The following ADH7 variants were observed in gnomAD, a reference collection of about 807,000 sequenced individuals.
ADH7 encodes the protein alcohol dehydrogenase 7 (class IV), mu or sigma polypeptide.
ADH7 carries 41 observed loss-of-function variants against 34.4 expected under a neutral mutation model. The observed-to-expected ratio is 1.19, with a 90% CI of 0.93 to 1.55. The LOEUF is 1.55. ADH7 is among the 40% of genes most tolerant of loss of function. The pLI is 0.00. For missense variants in ADH7, 540 were observed against 461.2 expected (o/e 1.17, Z -1.56); for synonymous variants, 180 against 160.9 (o/e 1.12, Z -0.90).
At chr4:99,428,674 C>G (rs115411577) in intron 2 of ADH7, 44 bp from the exon 3 acceptor site, 1 of 1,587,266 alleles carries the variant, frequency 6.3e-7, no homozygotes, top group African/African-American at 1.4e-5. Context: ...ACAAACTGAT[C>G]ATTTCACTGT....
chr4:99,432,958 C>T (rs1464193560), intron 1 of ADH7, among the ~76,000 whole-genome samples: 1 of 152,150 alleles, frequency 6.6e-6, no homozygotes. Context: ...GGACTACAGG[C>T]ACAAGCCACC....
chr4:99,420,745 G>A lies in ADH7; in HGVS notation c.613C>T (p.Leu205=), dbSNP rs1326048877. 2.5e-6 allele frequency: 4 copies of A among 1,613,884 alleles called. No individual in the cohort carries two copies. Among genetic ancestry groups the A allele is most frequent in the Non-Finnish European group, 8.5e-7 (1 of 1,179,904 alleles). The change falls in exon 6 of 9, where the codon CTG becomes TTG. Residue 205 remains leucine, a synonymous_variant. Coordinates refer to ENST00000437033, the MANE Select transcript of ADH7 (RefSeq NM_000673.7). ...GACTTACAGCCCATGATGACTGACA[G>A]GCCAACTCCTCCCAGGCCAAAGACG... ...CVVFGLGGVG[L]SVIMGCKSAG...
chr4:99,417,271 C>G (rs1389149794), intron 7 of ADH7, among the ~76,000 whole-genome samples: 2 of 152,026 alleles, frequency 1.3e-5, no homozygotes, highest in Non-Finnish European at 2.9e-5. Context: ...CCCAAAGGCC[C>G]CATATAATTT....
intron 1 of ADH7, among the ~76,000 whole-genome samples, chr4:99,434,113 A>G (rs1201463655): frequency 3.9e-5 from 6 of 152,188 alleles, no homozygotes; most frequent in African/African-American, 1.4e-4. Context: ...CCTTGAGGCT[A>G]CTTTCTCCAT....
intron 5 of ADH7, among the ~76,000 whole-genome samples, chr4:99,423,762 T>A (rs1334007977): frequency 5.3e-5 from 8 of 152,202 alleles, no homozygotes; most frequent in Non-Finnish European, 1.2e-4. Context: ...GAGTTCATTG[T>A]AGATTCTGGA....
chr4:99,430,014 G>A (rs530672347), intron 1 of ADH7, among the ~76,000 whole-genome samples: 2 of 152,234 alleles, frequency 1.3e-5, no homozygotes, highest in East Asian at 1.9e-4. Flanking sequence ...TTTGTGTATC[G>A]CTTATTCACA....
intron 5 of ADH7, among the ~76,000 whole-genome samples, chr4:99,427,012 G>C (rs13137887): frequency 0.11 from 16,559 of 152,042 alleles, 1,091 homozygotes; most frequent in South Asian, 0.14. Context: ...ATTCAACAAT[G>C]CTTCATGCTA....
At chr4:99,429,715 A>G in intron 1 of ADH7, 82 bp from the exon 2 acceptor site, 1 of 872,524 alleles carries the variant, frequency 1.1e-6, no homozygotes, top group Non-Finnish European at 1.7e-6. Flanking sequence ...ATATGAACAG[A>G]AGAGCATATA....
chr4:99,428,775 G>T, intron 2 of ADH7, 145 bp from the exon 3 acceptor site: 1 of 1,070,470 alleles, frequency 9.3e-7, no homozygotes. Flanking sequence ...ACTATTCTGA[G>T]CCAAAAATCA....
intron 1 of ADH7, among the ~76,000 whole-genome samples, chr4:99,432,413 G>A (rs1394953660): frequency 2.0e-5 from 3 of 152,000 alleles, no homozygotes; most frequent in Admixed American, 2.0e-4. Flanking sequence ...CAAACCCCAT[G>A]ATACACAATT....
rs17029035 is a variant in ADH7 at position 99,414,186 on chromosome 4, C to T, written c.1101-1014G>A. On this transcript the variant is annotated intron_variant, in intron 8 of 8. Coordinates refer to ENST00000437033, the MANE Select transcript of ADH7 (RefSeq NM_000673.7). ...TTTTGCTTATCTGAGTAAAGTAGTA[C>T]TGAGTGGTTCTGACAGTTTTTCTTA... 6.9e-3 allele frequency among the ~76,000 whole-genome samples: 1,056 copies of T among 152,150 alleles called. 15 individuals carry two copies. The highest frequency in any genetic ancestry group is 0.023 in the African/African-American group (960 of 41,508).
chr4:99,422,838 AT>A lies in ADH7; in HGVS notation c.565-2046del, dbSNP rs147760235. Among the ~76,000 whole-genome samples the A allele has an allele frequency of 3.9e-3, 560 of 145,228 alleles. 5 individuals carry two copies. Among genetic ancestry groups the A allele is most frequent in the African/African-American group, 0.012 (473 of 39,552 alleles). On this transcript the variant is annotated intron_variant, in intron 5 of 8. Transcript: ENST00000437033. ...TTTTCTAATAAAATAGACCTATTTT[AT>A]TTTTTTTTCTAATAAAATAGATCTA... is the stretch of plus-strand genomic sequence containing the variant.
At chr4:99,425,231 G>T (rs1018944551) in intron 5 of ADH7, among the ~76,000 whole-genome samples, 2 of 151,952 alleles carry the variant, frequency 1.3e-5, no homozygotes, top group Non-Finnish European at 2.9e-5. Flanking sequence ...AATGTAAATG[G>T]ACTAAATGCT....
chr4:99,419,934 T>C (rs1005559911), intron 6 of ADH7, among the ~76,000 whole-genome samples: 2 of 152,200 alleles, frequency 1.3e-5, no homozygotes, highest in African/African-American at 4.8e-5. Flanking sequence ...CTTTACGCTA[T>C]GCCAGGTTGG....
intron 7 of ADH7, among the ~76,000 whole-genome samples, chr4:99,418,737 T>A (rs1277710429): frequency 6.6e-6 from 1 of 152,202 alleles, no homozygotes; most frequent in Non-Finnish European, 1.5e-5. Flanking sequence ...ACACTACTGG[T>A]GTCTCTCATT....
At chr4:99,421,038 T>C (rs1721646681) in intron 5 of ADH7, among the ~76,000 whole-genome samples, 1 of 152,180 alleles carries the variant, frequency 6.6e-6, no homozygotes, top group African/African-American at 2.4e-5. Context: ...TGCTCATGCA[T>C]AGGAAGAATC....
chr4:99,427,280 CA>C (rs1369386000), intron 5 of ADH7, among the ~76,000 whole-genome samples: 3 of 152,090 alleles, frequency 2.0e-5, no homozygotes, highest in Non-Finnish European at 4.4e-5. Context: ...AGGTGGTAAT[CA>C]AAATGATTAA....
At chr4:99,425,524 T>A (rs913703558) in intron 5 of ADH7, among the ~76,000 whole-genome samples, 1 of 152,126 alleles carries the variant, frequency 6.6e-6, no homozygotes, top group Non-Finnish European at 1.5e-5. Flanking sequence ...CCTAAATATA[T>A]ATGCACCCAA....
intron 5 of ADH7, among the ~76,000 whole-genome samples, chr4:99,422,369 TG>T (rs1384516612): frequency 3.3e-5 from 5 of 152,206 alleles, no homozygotes; most frequent in Non-Finnish European, 7.3e-5. Context: ...TGGAAGAAGC[TG>T]GAAGCCATCA....
Sources: gnomAD v4.1 joint callset for allele counts (sites outside exome capture counted in the v4.1 genomes callset) on GRCh38, gnomAD v4.1.1 for gene constraint, MANE v1.5 for transcripts, NCBI Gene and HGNC (gene_info 2026-07-23, HGNC 2026-07-21) for gene names.